The following PTPRD variants were observed in gnomAD, a reference collection of about 807,000 sequenced individuals.
PTPRD encodes the protein protein tyrosine phosphatase receptor type D.
In PTPRD, 34 loss-of-function variants were observed where a neutral mutation model predicts 214.5. That is an observed-to-expected ratio of 0.16 (90% confidence interval 0.12 to 0.21). The LOEUF is 0.21. Ranked by LOEUF, PTPRD falls within the 10% of genes least tolerant of loss-of-function variation. The pLI is 1.00. For missense variants in PTPRD, 2,545 were observed against 2,398.7 expected (o/e 1.06, Z -1.27); for synonymous variants, 1,128 against 845.7 (o/e 1.33, Z -5.79).
At chr9:8,436,546 A>T (rs775171457) in intron 35 of PTPRD, 46 bp downstream of exon 35, 2 of 1,425,532 alleles carry the variant, frequency 1.4e-6, no homozygotes, top group South Asian at 2.4e-5. Context: ...AAAAAAGAGA[A>T]GAGTAACTCT....
chr9:10,549,397 G>A (rs577047592), intron 2 of PTPRD, among the ~76,000 whole-genome samples: 1 of 152,020 alleles, frequency 6.6e-6, no homozygotes, highest in Non-Finnish European at 1.5e-5. Context: ...GGGAAAGTTG[G>A]GAAAATAGAA....
chr9:9,526,629 CATTAA>C (rs2074190609), intron 8 of PTPRD, among the ~76,000 whole-genome samples: 3 of 152,048 alleles, frequency 2.0e-5, no homozygotes, highest in Admixed American at 2.0e-4. Flanking sequence ...TTTAATGCCA[CATTAA>C]ATTAGTAAAG....
intron 11 of PTPRD, among the ~76,000 whole-genome samples, chr9:8,872,470 G>A (rs1237490254): frequency 1.3e-5 from 2 of 152,104 alleles, no homozygotes; most frequent in Non-Finnish European, 2.9e-5. Context: ...GGAATATGGA[G>A]CTTGTATTAA....
intron 5 of PTPRD, among the ~76,000 whole-genome samples, chr9:9,839,640 C>T (rs946329028): frequency 6.6e-6 from 1 of 151,924 alleles, no homozygotes; most frequent in Non-Finnish European, 1.5e-5. Context: ...AGGTAATTTA[C>T]AGATTCAATG....
At chr9:10,229,886 A>G (rs1314508662) in intron 3 of PTPRD, among the ~76,000 whole-genome samples, 1 of 152,048 alleles carries the variant, frequency 6.6e-6, no homozygotes, top group Non-Finnish European at 1.5e-5. Flanking sequence ...CAAGAAAAAA[A>G]GAAATAAGAC....
At chr9:8,579,041 T>C (rs758292117) in intron 14 of PTPRD, among the ~76,000 whole-genome samples, 8 of 152,188 alleles carry the variant, frequency 5.3e-5, no homozygotes, top group Non-Finnish European at 1.0e-4. Context: ...TATGCAACAC[T>C]TACAAGTCCA....
chr9:9,227,067 G>C (rs949747628), intron 9 of PTPRD, among the ~76,000 whole-genome samples: 3 of 151,682 alleles, frequency 2.0e-5, no homozygotes, highest in African/African-American at 7.3e-5. Context: ...ATAATACTTT[G>C]GTGAAATAGG....
At chr9:8,666,629 C>T (rs1268306519) in intron 12 of PTPRD, among the ~76,000 whole-genome samples, 2 of 152,200 alleles carry the variant, frequency 1.3e-5, no homozygotes, top group Admixed American at 1.3e-4. Flanking sequence ...AATACATGCA[C>T]TCCTCTAGCC....
intron 8 of PTPRD, among the ~76,000 whole-genome samples, chr9:9,513,156 G>A (rs1018071004): frequency 6.6e-6 from 1 of 151,840 alleles, no homozygotes; most frequent in Admixed American, 6.6e-5. Flanking sequence ...AACAGTATCA[G>A]TAAATGGCCA....
intron 9 of PTPRD, among the ~76,000 whole-genome samples, chr9:9,357,855 T>TC (rs147422807): frequency 0.23 from 34,908 of 150,830 alleles, 4,925 homozygotes; most frequent in African/African-American, 0.39. Flanking sequence ...TTTATGTCTT[T>TC]CCTTTTTTTT....
intron 11 of PTPRD, among the ~76,000 whole-genome samples, chr9:8,854,532 T>C (rs1304478650): frequency 6.6e-6 from 1 of 152,182 alleles, no homozygotes; most frequent in African/African-American, 2.4e-5. Flanking sequence ...GTGTACTCTT[T>C]TACAAACAGT....
intron 5 of PTPRD, among the ~76,000 whole-genome samples, chr9:9,803,317 C>A (rs1444629817): frequency 6.6e-6 from 1 of 151,016 alleles, no homozygotes; most frequent in Non-Finnish European, 1.5e-5. Flanking sequence ...TAAAAAATGT[C>A]AAACTCTTAT....
At chr9:10,394,957 CTT>C (rs34786789) in intron 2 of PTPRD, among the ~76,000 whole-genome samples, 9 of 133,164 alleles carry the variant, frequency 6.8e-5, no homozygotes, top group Non-Finnish European at 7.9e-5. Flanking sequence ...TTTTCTTTTT[CTT>C]TTTTTTTTTT....
In PTPRD at chr9:10,524,448, A is replaced by G. The variant is rs371091917; in HGVS notation, c.-600+87950T>C. Among the ~76,000 whole-genome samples, 26 of 152,254 alleles carry G rather than the reference A, an allele frequency of 1.7e-4. No individual in the cohort carries two copies. In the East Asian group the frequency reaches 1.9e-3, roughly 11 times the overall value. ...GCTAACATGGTATGTCTATGTATCT[A>G]TAACTTAATAAAATAGGAAAATGAA... On this transcript the variant is annotated intron_variant, in intron 2 of 45. Coordinates refer to ENST00000381196, the MANE Select transcript of PTPRD (RefSeq NM_002839.4).
intron 9 of PTPRD, among the ~76,000 whole-genome samples, chr9:9,326,121 C>T (rs1428563386): frequency 6.6e-6 from 1 of 151,942 alleles, no homozygotes; most frequent in Non-Finnish European, 1.5e-5. Context: ...TCCACAATAA[C>T]TCTGATATAA....
intron 10 of PTPRD, among the ~76,000 whole-genome samples, chr9:9,054,802 T>A (rs1186950564): frequency 6.6e-6 from 1 of 152,146 alleles, no homozygotes; most frequent in Admixed American, 6.6e-5. Flanking sequence ...CACAGTCCTG[T>A]AGGTCAAGTA....
chr9:10,153,015 G>A (rs760427617), intron 3 of PTPRD, among the ~76,000 whole-genome samples: 28 of 152,202 alleles, frequency 1.8e-4, no homozygotes, highest in Non-Finnish European at 3.7e-4. Context: ...AGGGGCTGAT[G>A]GGTGAGGAAT....
Position 10,612,429 on chromosome 9 carries a change from C to T in PTPRD, c.-631G>A, listed in dbSNP as rs1482700548. The T allele has an allele frequency of 6.6e-6, 1 of 152,222 alleles. No homozygotes were observed. The highest frequency in any genetic ancestry group is 1.5e-5 in the Non-Finnish European group (1 of 68,100). The allele number at this position is 152,222 out of a possible 1,614,324, so 9.4% of individuals were successfully genotyped here. A position where few individuals can be genotyped will look rare whatever the true frequency, so the allele number is the denominator to read the frequency against. ...AGCCGCTCCAGTCCTCCTTGGAAAC[C>T]CTGAGGAGTCTTCTCTTTTCTTTCC... On this transcript the variant is annotated 5_prime_UTR_variant, in exon 2 of 46. Coordinates refer to ENST00000381196, the MANE Select transcript of PTPRD (RefSeq NM_002839.4).
chr9:9,445,701 T>A (rs2090159273), intron 8 of PTPRD, among the ~76,000 whole-genome samples: 1 of 152,110 alleles, frequency 6.6e-6, no homozygotes, highest in Non-Finnish European at 1.5e-5. Context: ...AATGCCCCCA[T>A]GATTCAGTTA....
Sources: allele counts gnomAD v4.1 joint callset (sites outside exome capture counted in the v4.1 genomes callset), GRCh38; gene constraint gnomAD v4.1.1; transcripts MANE v1.5; gene names NCBI Gene and HGNC (gene_info 2026-07-23, HGNC 2026-07-21).